Variants in HDAC4 observed in about 807,000 individuals in gnomAD.
HDAC4 encodes histone deacetylase 4, also known as histone deacetylase A.
Under a neutral mutation model 135.1 loss-of-function variants are expected in HDAC4, and 16 were observed. The ratio of observed to expected loss-of-function variants is 0.12; its 90% confidence interval spans 0.08 to 0.18. The LOEUF (loss-of-function observed/expected upper bound fraction) is 0.18, where lower values mean the gene tolerates loss of function less well. Ranked by LOEUF, HDAC4 falls within the 10% of genes least tolerant of loss-of-function variation. The probability of loss-of-function intolerance (pLI) is 1.00; values close to 1 mark genes in which losing one functional copy is unlikely to be tolerated. For synonymous variants in HDAC4, 685 were observed against 653.4 expected (o/e 1.05, Z -0.74); for missense variants, 1,143 against 1,511.8 (o/e 0.76, Z 4.05).
chr2:239,315,591 C>T (rs1490782107), intron 2 of HDAC4, among the ~76,000 whole-genome samples: 2 of 152,130 alleles, frequency 1.3e-5, no homozygotes, highest in Non-Finnish European at 2.9e-5. Context: ...TGAGAAAGTC[C>T]AGAAACAGAA....
At chr2:239,228,234 G>A (rs534497954) in intron 3 of HDAC4, among the ~76,000 whole-genome samples, 2 of 152,326 alleles carry the variant, frequency 1.3e-5, no homozygotes, top group African/African-American at 4.8e-5. Context: ...GGGACACCAG[G>A]TGAGGAGCAG....
intron 16 of HDAC4, among the ~76,000 whole-genome samples, chr2:239,098,430 C>T (rs2037313416): frequency 6.6e-6 from 1 of 152,250 alleles, no homozygotes; most frequent in Non-Finnish European, 1.5e-5. Context: ...GGAGGAGGCC[C>T]TCGCTGTGCC....
rs1004000598 is a variant in HDAC4, at chr2:239,054,841, A to G, written c.3004-8T>C. On this transcript the variant is annotated splice_region_variant and splice_polypyrimidine_tract_variant and intron_variant, in intron 24 of 26. Coordinates refer to ENST00000543185, the MANE Select transcript of HDAC4 (RefSeq NM_001378414.1). ...TTCTGGGAGAGGATCAAGCTGGAAG[A>G]AAATGCATAAGAATATAAAGACTGC... The G allele has an allele frequency of 8.2e-6, 13 of 1,588,102 alleles. No individual in the cohort carries two copies. In the African/African-American group the frequency reaches 9.4e-5, roughly 11 times the overall value.
At chr2:239,184,719 T>C (rs1178692213) in intron 4 of HDAC4, among the ~76,000 whole-genome samples, 1 of 59,774 alleles carries the variant, frequency 1.7e-5, no homozygotes, top group Non-Finnish European at 3.2e-5. Context: ...TATGGGGGGG[T>C]CCCTCAGTGT....
At chr2:239,105,430 C>A (rs1019648605) in intron 15 of HDAC4, among the ~76,000 whole-genome samples, 7 of 152,224 alleles carry the variant, frequency 4.6e-5, no homozygotes, top group African/African-American at 1.7e-4. Flanking sequence ...CCCCCGACTG[C>A]TCAGAACGTG....
In HDAC4 at chr2:239,134,404, G is replaced by A. The variant is rs2040808362; in HGVS notation, c.1135C>T (p.Pro379Ser). 2 of 1,613,692 alleles carry A rather than the reference G, an allele frequency of 1.2e-6. No individual in the cohort carries two copies. The highest frequency in any genetic ancestry group is 2.7e-5 in the African/African-American group (2 of 74,936). ...AGGGAGAGCCTCTGCTGGAGGGCGG[G>A]AAGGGTGAGTCTCTCGGCGTCCTGC... Reference protein sequence around the residue: ...GQQDAERLTLPALQQRLSLFP... With the variant: ...GQQDAERLTLSALQQRLSLFP... Residue 379 changes from proline (P) to serine (S), a missense_variant, in exon 11 of 27, where the codon CCC becomes TCC. By Grantham distance (74) the Pro-to-Ser change is moderately conservative. Coordinates refer to ENST00000543185, the MANE Select transcript of HDAC4 (RefSeq NM_001378414.1).
chr2:239,226,298 T>C (rs1013087808), intron 3 of HDAC4, among the ~76,000 whole-genome samples: 1 of 151,706 alleles, frequency 6.6e-6, no homozygotes, highest in African/African-American at 2.4e-5. Flanking sequence ...AAAAAAAAAA[T>C]CCTTTCTTCC....
intron 5 of HDAC4, among the ~76,000 whole-genome samples, chr2:239,165,313 TG>T: frequency 6.6e-6 from 1 of 152,336 alleles, no homozygotes; most frequent in South Asian, 2.1e-4. Context: ...CTCCTCCTGC[TG>T]GTCCTCAAAT....
intron 1 of HDAC4, among the ~76,000 whole-genome samples, chr2:239,396,218 C>T (rs1223041503): frequency 1.3e-5 from 2 of 151,428 alleles, no homozygotes; most frequent in African/African-American, 4.9e-5. Flanking sequence ...TCAAGTGATC[C>T]TCTCACCTTG....
chr2:239,337,536 C>T lies in HDAC4; in HGVS notation c.22+15142G>A, dbSNP rs143960181. Among the ~76,000 whole-genome samples the T allele has an allele frequency of 6.4e-3, 971 of 152,308 alleles. 56 individuals carry two copies. The highest frequency in any genetic ancestry group is 0.057 in the Admixed American group (875 of 15,294). On this transcript the variant is annotated intron_variant, in intron 2 of 26. Transcript: ENST00000543185. The stretch of plus-strand genomic sequence containing the variant: ...CGGCAAGCGAGGAAATCAAACACTT[C>T]CATCTTAATCACATATTATAGCGAT...
chr2:239,133,616 G>C (rs756605081), intron 11 of HDAC4, among the ~76,000 whole-genome samples: 1 of 152,102 alleles, frequency 6.6e-6, no homozygotes, highest in Non-Finnish European at 1.5e-5. Flanking sequence ...ACAGGTGTGC[G>C]CCACCACGCC....
chr2:239,239,827 G>A (rs1283738902), intron 2 of HDAC4, among the ~76,000 whole-genome samples: 6 of 152,332 alleles, frequency 3.9e-5, no homozygotes, highest in Admixed American at 3.3e-4. Context: ...TGCCTCTCGC[G>A]GAACAGGGCA....
chr2:239,073,144 G>A lies in HDAC4; in HGVS notation c.2751-4537C>T, dbSNP rs141297037. Among the ~76,000 whole-genome samples, 209 of 152,318 alleles carry A rather than the reference G, an allele frequency of 1.4e-3. 1 individual carries two copies. The highest frequency in any genetic ancestry group is 2.4e-3 in the Non-Finnish European group (162 of 68,020). ...AAATCCACACCTAGGCACCTTGCCC[G>A]CCAAGAAACTCACTTCTGGAACTTA... On this transcript the variant is annotated intron_variant, in intron 22 of 26. Transcript: ENST00000543185.
chr2:239,230,031 C>T (rs567928332), intron 3 of HDAC4, among the ~76,000 whole-genome samples: 4 of 152,226 alleles, frequency 2.6e-5, no homozygotes, highest in South Asian at 2.1e-4. Context: ...TGCTCTCTGT[C>T]GCCTGCTGCT....
Position 239,306,038 on chromosome 2 carries a change from A to C in HDAC4, c.22+46640T>G, listed in dbSNP as rs1392749417. 6.6e-6 allele frequency among the ~76,000 whole-genome samples: 1 copy of C among 152,174 alleles called. No individual in the cohort carries two copies. Among genetic ancestry groups the C allele is most frequent in the African/African-American group, 2.4e-5 (1 of 41,440 alleles). ...ACGCTGAAATGATTCCTAGTGTCCT[A>C]GACTGCCTGGCTTCACATGAGAAAC... On this transcript the variant is annotated intron_variant, in intron 2 of 26. Coordinates refer to ENST00000543185, the MANE Select transcript of HDAC4 (RefSeq NM_001378414.1). The surrounding 1 kb of genome is among the most constrained non-coding windows in gnomAD (Gnocchi z 4.5).
At chr2:239,318,159 C>T (rs1357853525) in intron 2 of HDAC4, among the ~76,000 whole-genome samples, 1 of 152,120 alleles carries the variant, frequency 6.6e-6, no homozygotes, top group African/African-American at 2.4e-5. Flanking sequence ...CAGATTATCT[C>T]CCTACCAGAT....
intron 2 of HDAC4, among the ~76,000 whole-genome samples, chr2:239,250,754 T>G (rs933022180): frequency 6.6e-6 from 1 of 152,194 alleles, no homozygotes; most frequent in African/African-American, 2.4e-5. Flanking sequence ...GTGGCCTGAC[T>G]GTGGACTGCT....
At chr2:239,274,631 A>G (rs1015384741) in intron 2 of HDAC4, among the ~76,000 whole-genome samples, 1 of 152,234 alleles carries the variant, frequency 6.6e-6, no homozygotes, top group Non-Finnish European at 1.5e-5. Context: ...AAAGCAAAGC[A>G]AGCCAGTGAA....
rs981643144 is a variant in HDAC4 at position 239,400,267 on chromosome 2, G to T, written c.-220+711C>A. The T allele has an allele frequency of 6.6e-6, 1 of 151,328 alleles. No homozygotes were observed. Among genetic ancestry groups the T allele is most frequent in the Admixed American group, 6.6e-5 (1 of 15,186 alleles). 9.4% of individuals were successfully genotyped at this position (151,328 alleles called of 1,614,324 possible). A position where few individuals can be genotyped will look rare whatever the true frequency, so the allele number is the denominator to read the frequency against. On this transcript the variant is annotated intron_variant, in intron 1 of 26. Coordinates refer to ENST00000543185, the MANE Select transcript of HDAC4 (RefSeq NM_001378414.1). The surrounding 1 kb of genome is among the most constrained non-coding windows in gnomAD (Gnocchi z 4.7). Reference sequence around the variant, plus strand: ...AGCGCGGGGCCGCGGACCCCCGGCAGGGACGTTTTTCTGCAAACTCACAGC... The same window carrying T: ...AGCGCGGGGCCGCGGACCCCCGGCATGGACGTTTTTCTGCAAACTCACAGC...
Sources: gnomAD v4.1 joint callset for allele counts (sites outside exome capture counted in the v4.1 genomes callset) on GRCh38, gnomAD v4.1.1 for gene constraint, Gnocchi (gnomAD v3.1) non-coding constraint, MANE v1.5 for transcripts, NCBI Gene and HGNC (gene_info 2026-07-23, HGNC 2026-07-21) for gene names.